The following FIBCD1 variants were observed in gnomAD, a reference collection of about 807,000 sequenced individuals.
FIBCD1 encodes fibrinogen C domain containing 1, also known as fibrinogen C domain-containing protein 1.
In FIBCD1, 47 loss-of-function variants were observed where a neutral mutation model predicts 45.1. The ratio of observed to expected loss-of-function variants is 1.04; its 90% CI spans 0.82 to 1.33. FIBCD1 has a LOEUF of 1.33. Ranked by LOEUF, FIBCD1 falls within the 40% of genes most tolerant of loss-of-function variation. FIBCD1 has a pLI of 0.00. For synonymous variants in FIBCD1, 313 were observed against 308.1 expected (o/e 1.02, Z -0.17); for missense variants, 653 against 682.2 (o/e 0.96, Z 0.48).
intron 1 of FIBCD1, chr9:130,938,227 C>G: frequency 6.4e-6 from 2 of 310,662 alleles, no homozygotes; most frequent in Non-Finnish European, 1.2e-5. Context: ...TGTGGACACA[C>G]AGCGAACTGT....
At chr9:130,910,339 G>A (rs887111004) in intron 5 of FIBCD1, among the ~76,000 whole-genome samples, 2 of 152,200 alleles carry the variant, frequency 1.3e-5, no homozygotes, top group Non-Finnish European at 1.5e-5. Context: ...ATTTCTCACC[G>A]GGCCTTAGCT....
At chr9:130,912,713 AAAAG>A (rs1393760309) in intron 4 of FIBCD1, among the ~76,000 whole-genome samples, 1 of 152,030 alleles carries the variant, frequency 6.6e-6, no homozygotes, top group Non-Finnish European at 1.5e-5. Context: ...TGAAAAAAAA[AAAAG>A]GGAATCTCGG....
In FIBCD1 at chr9:130,926,576, T is replaced by C. The variant is rs1361443974; in HGVS notation, c.553-2180A>G. Among the ~76,000 whole-genome samples, 1 of 152,144 alleles carries C rather than the reference T, an allele frequency of 6.6e-6. No homozygotes were observed. Among genetic ancestry groups the C allele is most frequent in the East Asian group, 1.9e-4 (1 of 5,190 alleles). On this transcript the variant is annotated intron_variant, in intron 2 of 6. Coordinates refer to ENST00000372338, the MANE Select transcript of FIBCD1 (RefSeq NM_032843.5). The surrounding 1 kb of genome is among the most constrained non-coding windows in gnomAD (Gnocchi z 4.1). ...GGCTCACGCCTGTAATCCCAGCACT[T>C]TGGGAGGCCAAGTTGGGTGGATCAC...
intron 1 of FIBCD1, among the ~76,000 whole-genome samples, chr9:130,933,486 C>T (rs1238364104): frequency 1.3e-5 from 2 of 152,222 alleles, no homozygotes; most frequent in Non-Finnish European, 2.9e-5. Context: ...AAGCCCACTT[C>T]TGCCACTGAC....
intron 4 of FIBCD1, among the ~76,000 whole-genome samples, chr9:130,913,411 C>T (rs1832101639): frequency 6.6e-6 from 1 of 152,266 alleles, no homozygotes. Context: ...TCGCTCGGAA[C>T]TGCCCGGATG....
chr9:130,908,410 G>A (rs1273809549), intron 5 of FIBCD1, among the ~76,000 whole-genome samples: 2 of 152,246 alleles, frequency 1.3e-5, no homozygotes, highest in Non-Finnish European at 2.9e-5. Context: ...GGGGGTGGGT[G>A]GTGGCGAGGG....
At chr9:130,921,877 G>A (rs528965699) in intron 4 of FIBCD1, among the ~76,000 whole-genome samples, 51 of 152,368 alleles carry the variant, frequency 3.3e-4, no homozygotes, top group African/African-American at 1.2e-3. Flanking sequence ...CTTGAAGACA[G>A]GTTTAGAGAT....
chr9:130,929,414 A>G (rs1832407704), intron 2 of FIBCD1, among the ~76,000 whole-genome samples, 153 bp downstream of exon 2: 1 of 152,290 alleles, frequency 6.6e-6, no homozygotes, highest in South Asian at 2.1e-4. Context: ...CCTGAGCTTC[A>G]TGGGCTTGTC....
Position 130,903,663 on chromosome 9 carries a change from G to T in FIBCD1, c.*401C>A. ...CCACGATCTGCTAGGAGGACTCCAG[G>T]GGTGCTGTCTGCCCCCTGCTCTCTG... is the stretch of plus-strand genomic sequence containing the variant. On this transcript the variant is annotated 3_prime_UTR_variant, in exon 7 of 7. Transcript: ENST00000372338. The T allele has an allele frequency of 2.9e-6, 1 of 350,384 alleles. No homozygotes were observed. 21.7% of individuals were successfully genotyped at this position (350,384 alleles called of 1,614,324 possible).
chr9:130,939,889 C>G (rs1296971885), upstream of FIBCD1, among the ~76,000 whole-genome samples: 2 of 152,058 alleles, frequency 1.3e-5, no homozygotes, highest in African/African-American at 4.8e-5. Flanking sequence ...CGGGAGGCGC[C>G]CACACTGCCC....
intron 1 of FIBCD1, chr9:130,930,728 C>G (rs1272837853): frequency 2.2e-6 from 1 of 455,426 alleles, no homozygotes; most frequent in South Asian, 1.5e-5. Context: ...GCTCAGGCCT[C>G]TAAGCTGCAT....
Position 130,904,343 on chromosome 9 carries a change from G to A in FIBCD1, c.1127-20C>T, listed in dbSNP as rs12552821. ...AGTCGCCTGCGCAGGGGTGCACACA[G>A]GTGTGGGCACGGGGGGCACGGGTAC... is the stretch of plus-strand genomic sequence containing the variant. On this transcript the variant is annotated intron_variant, in intron 6 of 6. Transcript: ENST00000372338. 313,955 of 1,587,832 alleles carry A rather than the reference G, an allele frequency of 0.2. 34,689 individuals carry two copies. The highest frequency in any genetic ancestry group is 0.4 in the Admixed American group (23,590 of 59,158).
intron 2 of FIBCD1, 108 bp downstream of exon 2, chr9:130,929,459 G>A: frequency 5.0e-6 from 7 of 1,387,118 alleles, no homozygotes; most frequent in Non-Finnish European, 6.6e-6. Flanking sequence ...CTTGTCTGGG[G>A]CCTTGGGGAT....
At chr9:130,915,500 C>T (rs986340747) in intron 4 of FIBCD1, among the ~76,000 whole-genome samples, 6 of 152,096 alleles carry the variant, frequency 3.9e-5, no homozygotes, top group South Asian at 2.1e-4. Context: ...GTCAGGAGTT[C>T]GAGACCAGCC....
intron 1 of FIBCD1, among the ~76,000 whole-genome samples, chr9:130,931,499 C>A (rs946212795): frequency 6.6e-6 from 1 of 152,082 alleles, no homozygotes; most frequent in Non-Finnish European, 1.5e-5. Flanking sequence ...CAGAGCTAGA[C>A]TCCGTCTCAA....
At position 130,922,235 on chromosome 9, in the gene FIBCD1, G is replaced by A. The variant is rs1051057204; in HGVS notation, c.849+1509C>T. 2.6e-5 allele frequency among the ~76,000 whole-genome samples: 4 copies of A among 152,204 alleles called. No homozygotes were observed. Among genetic ancestry groups the A allele is most frequent in the Non-Finnish European group, 4.4e-5 (3 of 68,036 alleles). On this transcript the variant is annotated intron_variant, in intron 4 of 6. Transcript: ENST00000372338. This position sits in a 1 kb window ranked among gnomAD's most constrained non-coding sequence, Gnocchi z 4.5. The stretch of plus-strand genomic sequence containing the variant: ...AGGCGAGATGCGTCCCGCACTCAGT[G>A]GCAGCAGCCCTGGGGCGGTGGGGTT...
Position 130,922,266 on chromosome 9 carries a change from C to T in FIBCD1, c.849+1478G>A, listed in dbSNP as rs1037561875. Among the ~76,000 whole-genome samples the T allele has an allele frequency of 2.0e-5, 3 of 152,154 alleles. No homozygotes were observed. The highest frequency in any genetic ancestry group is 2.1e-4 in the South Asian group (1 of 4,824). On this transcript the variant is annotated intron_variant, in intron 4 of 6. Coordinates refer to ENST00000372338, the MANE Select transcript of FIBCD1 (RefSeq NM_032843.5). This position sits in a 1 kb window ranked among gnomAD's most constrained non-coding sequence, Gnocchi z 4.5. ...AGCCCTGGGGCGGTGGGGTTCTCAC[C>T]GGCCCACCCCCGGGCCTGGTCTGGG...
At chr9:130,932,906 G>A (rs547134486) in intron 1 of FIBCD1, among the ~76,000 whole-genome samples, 3 of 152,268 alleles carry the variant, frequency 2.0e-5, no homozygotes, top group South Asian at 2.1e-4. Context: ...ACCTTGCCCC[G>A]AGCAGCTCAG....
rs75917237 is a variant in FIBCD1, at chr9:130,922,550, C to A, written c.849+1194G>T. On this transcript the variant is annotated intron_variant, in intron 4 of 6. Coordinates refer to ENST00000372338, the MANE Select transcript of FIBCD1 (RefSeq NM_032843.5). This position sits in a 1 kb window ranked among gnomAD's most constrained non-coding sequence, Gnocchi z 4.5. ...TGACAGGGCCAGAGCGTGGAACCTC[C>A]AGGCTCCCCGCCTCTCTGACATCTG... 0.047 allele frequency among the ~76,000 whole-genome samples: 7,187 copies of A among 152,070 alleles called. 208 individuals are homozygous for A. The highest frequency in any genetic ancestry group is 0.086 in the Middle Eastern group (25 of 292).
Sources: gnomAD v4.1 joint callset for allele counts (sites outside exome capture counted in the v4.1 genomes callset) on GRCh38, gnomAD v4.1.1 for gene constraint, Gnocchi (gnomAD v3.1) non-coding constraint, MANE v1.5 for transcripts, NCBI Gene and HGNC (gene_info 2026-07-23, HGNC 2026-07-21) for gene names.